The following MAML3 variants were observed in gnomAD, a reference collection of about 807,000 sequenced individuals.
The protein encoded by MAML3 is mastermind-like protein 3.
MAML3 carries 27 observed loss-of-function variants against 101.9 expected under a neutral mutation model. That is an observed-to-expected ratio of 0.27 (90% CI 0.20 to 0.37). MAML3 has a LOEUF of 0.37. Ranked by LOEUF, MAML3 falls within the 10% of genes least tolerant of loss-of-function variation. The pLI is 1.00. For synonymous variants in MAML3, 501 were observed against 555.9 expected (o/e 0.90, Z 1.39); for missense variants, 1,316 against 1,444.9 (o/e 0.91, Z 1.45).
chr4:139,983,863 C>A (rs968510760), intron 1 of MAML3, among the ~76,000 whole-genome samples: 1 of 152,152 alleles, frequency 6.6e-6, no homozygotes, highest in Non-Finnish European at 1.5e-5. Flanking sequence ...GAATGGTCAG[C>A]ACCCCCATGT....
chr4:139,837,503 C>CCAAA (rs1328260699), intron 2 of MAML3, among the ~76,000 whole-genome samples: 1 of 151,300 alleles, frequency 6.6e-6, no homozygotes, highest in Non-Finnish European at 1.5e-5. Context: ...ATCTCCAAAA[C>CCAAA]CAAACAAACA....
At chr4:139,749,545 T>C (rs1487329566) in intron 2 of MAML3, among the ~76,000 whole-genome samples, 1 of 152,104 alleles carries the variant, frequency 6.6e-6, no homozygotes, top group Non-Finnish European at 1.5e-5. Flanking sequence ...CTCTGGTAAC[T>C]GTCAAGGGGG....
Position 139,890,650 on chromosome 4 carries a change from C to A in MAML3, c.786G>T (p.Leu262=). 5 of 1,613,930 alleles carry A rather than the reference C, an allele frequency of 3.1e-6. No homozygotes were observed. The highest frequency in any genetic ancestry group is 4.2e-6 in the Non-Finnish European group (5 of 1,179,822). The change falls in exon 2 of 5, where the codon CTG becomes CTT. Residue 262 remains leucine (L), a synonymous_variant. Coordinates refer to ENST00000509479, the MANE Select transcript of MAML3 (RefSeq NM_018717.5). The surrounding 1 kb of genome is among the most constrained non-coding windows in gnomAD (Gnocchi z 4.1). ...IKLPVNGCSD[L]EDSFTILQSK... ...TCTGCAAGATGGTGAAGCTATCCTC[C>A]AGGTCACTGCAACCGTTGACAGGAA...
chr4:139,889,081 T>C (rs1732406233), intron 2 of MAML3: 2 of 582,170 alleles, frequency 3.4e-6, no homozygotes, highest in Non-Finnish European at 6.4e-6. Flanking sequence ...TCCCTCAGAG[T>C]GAGAATTTTA....
At chr4:140,011,165 TG>T (rs142585909) in intron 1 of MAML3, among the ~76,000 whole-genome samples, 46,930 of 77,626 alleles carry the variant, frequency 0.6, 10,535 homozygotes, top group East Asian at 0.7. Context: ...TTTATATATA[TG>T]ACATATATGT....
intron 2 of MAML3, among the ~76,000 whole-genome samples, chr4:139,791,496 C>A (rs1730412160): frequency 1.8e-5 from 2 of 108,704 alleles, no homozygotes; most frequent in Non-Finnish European, 4.0e-5. Context: ...GAGTGAGACT[C>A]CATCTCAAAA....
At chr4:140,126,552 A>G (rs981817878) in intron 1 of MAML3, among the ~76,000 whole-genome samples, 7 of 152,156 alleles carry the variant, frequency 4.6e-5, no homozygotes, top group African/African-American at 1.7e-4. Flanking sequence ...CCTCCTTCAG[A>G]AATACACTGA....
intron 1 of MAML3, among the ~76,000 whole-genome samples, chr4:140,053,480 G>A (rs1232231970): frequency 6.6e-6 from 1 of 152,170 alleles, no homozygotes. Context: ...TCTCCTCTGG[G>A]CCATCGGGCT....
At chr4:140,034,053 A>G (rs1437517699) in intron 1 of MAML3, among the ~76,000 whole-genome samples, 3 of 152,232 alleles carry the variant, frequency 2.0e-5, no homozygotes, top group Admixed American at 6.5e-5. Context: ...AACAACAACA[A>G]CAGCAACAAC....
At chr4:139,734,430 A>C (rs1416579838) in intron 2 of MAML3, among the ~76,000 whole-genome samples, 1 of 152,212 alleles carries the variant, frequency 6.6e-6, no homozygotes, top group African/African-American at 2.4e-5. Flanking sequence ...TTCTCCCAAG[A>C]ATCTTAATAC....
chr4:140,094,642 T>C (rs1728122256), intron 1 of MAML3, among the ~76,000 whole-genome samples: 1 of 152,212 alleles, frequency 6.6e-6, no homozygotes. Context: ...GTTCCTAAGA[T>C]AGCCGGTGGC....
chr4:139,840,761 T>C (rs1578626264), intron 2 of MAML3, among the ~76,000 whole-genome samples: 1 of 151,946 alleles, frequency 6.6e-6, no homozygotes, highest in Admixed American at 6.6e-5. Flanking sequence ...GTGCCAGAGG[T>C]TTCTGAAGGT....
At chr4:139,970,702 G>T (rs1578622675) in intron 1 of MAML3, among the ~76,000 whole-genome samples, 1 of 152,106 alleles carries the variant, frequency 6.6e-6, no homozygotes, top group East Asian at 1.9e-4. Flanking sequence ...CGGACTTAGG[G>T]GCTCACTCTC....
At chr4:139,793,874 A>C (rs1014708792) in intron 2 of MAML3, among the ~76,000 whole-genome samples, 2 of 152,216 alleles carry the variant, frequency 1.3e-5, no homozygotes, top group African/African-American at 2.4e-5. Context: ...GGAGAATATT[A>C]TTATGGTTGT....
intron 1 of MAML3, among the ~76,000 whole-genome samples, chr4:140,076,782 T>G (rs1328349976): frequency 6.6e-6 from 1 of 152,228 alleles, no homozygotes. Context: ...AAGTTGCCAT[T>G]TCCTGACTGG....
At chr4:139,803,012 CT>C (rs1407385628) in intron 2 of MAML3, among the ~76,000 whole-genome samples, 1 of 152,228 alleles carries the variant, frequency 6.6e-6, no homozygotes, top group Non-Finnish European at 1.5e-5. Flanking sequence ...AACTATTTCT[CT>C]TTATAAATGT....
intron 2 of MAML3, among the ~76,000 whole-genome samples, chr4:139,809,831 G>A (rs963294306): frequency 6.6e-6 from 1 of 150,932 alleles, no homozygotes; most frequent in African/African-American, 2.4e-5. Flanking sequence ...CAGTTGTTGG[G>A]CTGATTAAAG....
chr4:140,039,967 A>C (rs1480346658), intron 1 of MAML3, among the ~76,000 whole-genome samples: 1 of 152,228 alleles, frequency 6.6e-6, no homozygotes, highest in Non-Finnish European at 1.5e-5. Context: ...ACACTCACAG[A>C]AACTAAATAA....
chr4:139,814,601 C>T lies in MAML3; in HGVS notation c.2079+74756G>A, dbSNP rs182016138. On this transcript the variant is annotated intron_variant, in intron 2 of 4. Transcript: ENST00000509479. ...TGGCTGCTGTGTAGATATGAACGAA[C>T]TGTAATGAACTGTGTGGTTCAGATA... Among the ~76,000 whole-genome samples the T allele has an allele frequency of 7.2e-5, 11 of 152,302 alleles. No individual in the cohort carries two copies. The East Asian group carries it at 2.1e-3, about 29-fold the overall frequency.
Sources: gnomAD v4.1 joint callset for allele counts (sites outside exome capture counted in the v4.1 genomes callset) on GRCh38, gnomAD v4.1.1 for gene constraint, Gnocchi (gnomAD v3.1) non-coding constraint, MANE v1.5 for transcripts, NCBI Gene and HGNC (gene_info 2026-07-23, HGNC 2026-07-21) for gene names.